SFXN4: variants seen among roughly 807,000 people sequenced by gnomAD.
SFXN4 encodes sideroflexin 4.
A neutral mutation model predicts 54.6 loss-of-function variants in SFXN4; 48 were observed. The ratio of observed to expected loss-of-function variants is 0.88; its 90% CI spans 0.70 to 1.12. The LOEUF is 1.12. Among genes scored for constraint, SFXN4 ranks in the 50% most tolerant of loss-of-function variants. The probability of loss-of-function intolerance (pLI) is 0.00; values close to 1 mark genes in which losing one functional copy is unlikely to be tolerated. For missense variants in SFXN4, 383 were observed against 409.2 expected (o/e 0.94, Z 0.55); for synonymous variants, 130 against 145.5 (o/e 0.89, Z 0.77).
chr10:119,146,397 A>T, intron 12 of SFXN4, 44 bp from the exon 13 acceptor site: 1 of 1,221,378 alleles, frequency 8.2e-7, no homozygotes, highest in Non-Finnish European at 1.2e-6. Flanking sequence ...TTAAACTATC[A>T]GGGCTTATTT....
intron 12 of SFXN4, among the ~76,000 whole-genome samples, chr10:119,147,068 G>GTGAGGCTA (rs1212201718): frequency 6.6e-6 from 1 of 152,208 alleles, no homozygotes; most frequent in Non-Finnish European, 1.5e-5. Flanking sequence ...TCAGGAGGCT[G>GTGAGGCTA]TGAGGCTATG....
chr10:119,142,084 C>G (rs1846552208), intron 13 of SFXN4, among the ~76,000 whole-genome samples: 2 of 152,016 alleles, frequency 1.3e-5, no homozygotes, highest in Admixed American at 1.3e-4. Context: ...TCCTGTAGTC[C>G]CAGCTACTTG....
In SFXN4 at chr10:119,157,938, G is replaced by A. The variant is rs369018923; in HGVS notation, c.415-11C>T. 7 of 1,614,172 alleles carry A rather than the reference G, an allele frequency of 4.3e-6. No individual in the cohort carries two copies. The Admixed American group carries it at 6.7e-5, about 15-fold the overall frequency. ...GGCACAGAGGAAAACCTGCCGAGAG[G>A]GGCAAATGGATCGCATTTTCGTTTC... On this transcript the variant is annotated splice_polypyrimidine_tract_variant and intron_variant, in intron 7 of 13. Transcript: ENST00000355697.
In SFXN4 at chr10:119,164,172, A is replaced by G. The variant is rs1264545863; in HGVS notation, c.136T>C (p.Trp46Arg). The change falls in exon 2 of 14, where the codon TGG becomes CGG. Residue 46 changes from tryptophan (W) to arginine (R), a missense_variant. Trp to Arg is a moderately radical substitution (Grantham distance 101). Coordinates refer to ENST00000355697, the MANE Select transcript of SFXN4 (RefSeq NM_213649.2). ...TTTGTAGGATCTAATAATTCTGTCC[A>G]TTGAAGAAATCGTCGAATAAAGGAC... ...RQSFIRRFLQ[W>R]TELLDPTNVF... 8.1e-6 allele frequency: 13 copies of G among 1,596,394 alleles called. No individual in the cohort carries two copies. The highest frequency in any genetic ancestry group is 1.7e-4 in the Middle Eastern group (1 of 6,024).
intron 11 of SFXN4, among the ~76,000 whole-genome samples, chr10:119,150,367 T>G (rs566267073): frequency 2.0e-5 from 3 of 152,124 alleles, no homozygotes; most frequent in Non-Finnish European, 4.4e-5. Flanking sequence ...CAGGAGGTGC[T>G]GGGAACAACT....
At chr10:119,158,149 G>T in intron 6 of SFXN4, 87 bp from the exon 7 acceptor site, 1 of 1,260,518 alleles carries the variant, frequency 7.9e-7, no homozygotes, top group Non-Finnish European at 1.2e-6. Context: ...GGGAGAGGGA[G>T]AATTGAGCCC....
At chr10:119,144,590 C>T (rs1158699350) in intron 13 of SFXN4, among the ~76,000 whole-genome samples, 1 of 151,932 alleles carries the variant, frequency 6.6e-6, no homozygotes, top group African/African-American at 2.4e-5. Context: ...TTGCTACCTA[C>T]TAAGCAACAA....
intron 12 of SFXN4, 75 bp from the exon 13 acceptor site, chr10:119,146,428 C>CGTGTGTGTGTGTGT (rs56031432): frequency 1.3e-5 from 7 of 559,550 alleles, no homozygotes; most frequent in East Asian, 9.6e-5. Flanking sequence ...TGAATCAGGG[C>CGTGTGTGTGTGTGT]GTGTGTGTGT....
intron 11 of SFXN4, 126 bp downstream of exon 11, chr10:119,154,936 A>G: frequency 1.5e-6 from 1 of 647,598 alleles, no homozygotes; most frequent in East Asian, 2.7e-5. Flanking sequence ...TTTCTCTCTC[A>G]GCATGCTAAG....
chr10:119,148,850 T>C (rs1231053440), intron 11 of SFXN4, among the ~76,000 whole-genome samples: 1 of 152,154 alleles, frequency 6.6e-6, no homozygotes, highest in Non-Finnish European at 1.5e-5. Flanking sequence ...AAATTTTGAC[T>C]ATAAGACAGC....
chr10:119,157,359 A>T lies in SFXN4; in HGVS notation c.537+309T>A, dbSNP rs865887262. ...GGCAGGAGAATCACTTGAACCCAGGAGGCAGAGGTTGCAGTGAGCTGAGAT... is the reference window on the plus strand; with the variant it reads ...GGCAGGAGAATCACTTGAACCCAGGTGGCAGAGGTTGCAGTGAGCTGAGAT... On this transcript the variant is annotated intron_variant, in intron 9 of 13. Transcript: ENST00000355697. Among the ~76,000 whole-genome samples, 20 of 150,832 alleles carry T rather than the reference A, an allele frequency of 1.3e-4. No homozygotes were observed. In the South Asian group the frequency reaches 4.2e-3, roughly 32 times the overall value.
chr10:119,157,943 A>G lies in SFXN4; in HGVS notation c.415-16T>C, dbSNP rs1326197120. 4 of 1,614,118 alleles carry G rather than the reference A, an allele frequency of 2.5e-6. No individual in the cohort carries two copies. The African/African-American group carries it at 5.3e-5, about 22-fold the overall frequency. ...AGAGGAAAACCTGCCGAGAGGGGCAAATGGATCGCATTTTCGTTTCAAGCA... is the reference window on the plus strand; with the variant it reads ...AGAGGAAAACCTGCCGAGAGGGGCAGATGGATCGCATTTTCGTTTCAAGCA... On this transcript the variant is annotated splice_polypyrimidine_tract_variant and intron_variant, in intron 7 of 13. Coordinates refer to ENST00000355697, the MANE Select transcript of SFXN4 (RefSeq NM_213649.2).
intron 12 of SFXN4, among the ~76,000 whole-genome samples, 170 bp from the exon 13 acceptor site, chr10:119,146,523 T>A (rs1331967187): frequency 6.6e-6 from 1 of 151,886 alleles, no homozygotes; most frequent in African/African-American, 2.4e-5. Context: ...TTGTTGTACC[T>A]GAACAGCTAG....
rs551586981 is a variant in SFXN4 at position 119,149,178 on chromosome 10, C to A, written c.733-1318G>T. On this transcript the variant is annotated intron_variant, in intron 11 of 13. Coordinates refer to ENST00000355697, the MANE Select transcript of SFXN4 (RefSeq NM_213649.2). ...CTAACATGTTAACTTTAGAACCCAC[C>A]CCTGGGTAAGACACACACACCACAA... Among the ~76,000 whole-genome samples, 11 of 152,280 alleles carry A rather than the reference C, an allele frequency of 7.2e-5. No homozygotes were observed. The South Asian group carries it at 2.1e-3, about 29-fold the overall frequency.
At position 119,160,839 on chromosome 10, in the gene SFXN4, A is replaced by G. The variant is rs565711192; in HGVS notation, c.334+76T>C. 805 of 1,458,624 alleles carry G rather than the reference A, an allele frequency of 5.5e-4. 12 individuals are homozygous for G. In the South Asian group the frequency reaches 8.7e-3, roughly 16 times the overall value. 90.4% of individuals were successfully genotyped at this position (1,458,624 alleles called of 1,614,324 possible). A position where few individuals can be genotyped will look rare whatever the true frequency, so the allele number is the denominator to read the frequency against. ...GGTCTCGAACTCCTGACCCCAGGTG[A>G]TCCGGCAGGCAGAGTTTTCTAAGTG... On this transcript the variant is annotated intron_variant, in intron 5 of 13. Transcript: ENST00000355697.
intron 9 of SFXN4, 59 bp from the exon 10 acceptor site, chr10:119,156,815 C>T: frequency 7.6e-7 from 1 of 1,312,462 alleles, no homozygotes; most frequent in Non-Finnish European, 1.1e-6. Context: ...GCGGAACCTA[C>T]TCACTAGCAG....
chr10:119,147,357 T>C (rs1348296710), intron 12 of SFXN4, among the ~76,000 whole-genome samples: 1 of 152,236 alleles, frequency 6.6e-6, no homozygotes, highest in Admixed American at 6.5e-5. Flanking sequence ...TTCTGGCTTC[T>C]TAAAAGGGAT....
At position 119,157,680 on chromosome 10, in the gene SFXN4, T is replaced by C; in HGVS notation, c.525A>G (p.Ser175=). 2 of 1,603,644 alleles carry C rather than the reference T, an allele frequency of 1.2e-6. No homozygotes were observed. Among genetic ancestry groups the C allele is most frequent in the Non-Finnish European group, 1.7e-6 (2 of 1,176,406 alleles). Residue 175 remains serine, a synonymous_variant, in exon 9 of 14, where the codon TCA becomes TCG. Coordinates refer to ENST00000355697, the MANE Select transcript of SFXN4 (RefSeq NM_213649.2). ...TAAAAATACCTACTCCTAAGAAAGT[T>C]GAAGAAGCAACGGCTCCCGCCATTA... ...SLLMAGAVAS[S]TFLGVIPQFV...
chr10:119,154,039 G>A (rs1374553767), intron 11 of SFXN4, among the ~76,000 whole-genome samples: 2 of 152,042 alleles, frequency 1.3e-5, no homozygotes, highest in Non-Finnish European at 2.9e-5. Flanking sequence ...TTGGCTGGGC[G>A]TGGTGGTACG....
Sources: gnomAD v4.1 joint callset for allele counts (sites outside exome capture counted in the v4.1 genomes callset) on GRCh38, gnomAD v4.1.1 for gene constraint, MANE v1.5 for transcripts, NCBI Gene and HGNC (gene_info 2026-07-23, HGNC 2026-07-21) for gene names.